Variants in RNF212B observed in about 807,000 individuals in gnomAD.
RNF212B encodes E3 ubiquitin-protein ligase RNF212B.
RNF212B carries 52 observed loss-of-function variants against 55.5 expected under a neutral mutation model. The ratio of observed to expected loss-of-function variants is 0.94; its 90% confidence interval spans 0.75 to 1.18. The LOEUF is 1.18. Ranked by LOEUF, RNF212B falls within the 50% of genes most tolerant of loss-of-function variation. The pLI is 0.00. For missense variants in RNF212B, 289 were observed against 350.4 expected (o/e 0.82, Z 1.40); for synonymous variants, 99 against 121.4 (o/e 0.82, Z 1.21).
intron 1 of RNF212B, among the ~76,000 whole-genome samples, chr14:23,239,351 T>C (rs178770): frequency 0.51 from 77,829 of 152,066 alleles, 20,440 homozygotes; most frequent in African/African-American, 0.63. Context: ...TGAGACACCA[T>C]GCTTGGCCTG....
intron 4 of RNF212B, among the ~76,000 whole-genome samples, chr14:23,250,162 G>C (rs1375940904): frequency 6.6e-6 from 1 of 152,078 alleles, no homozygotes; most frequent in Admixed American, 6.5e-5. Flanking sequence ...CTTTATACCT[G>C]AAATGCCTGA....
At chr14:23,234,084 C>T (rs1479820500), upstream of RNF212B, among the ~76,000 whole-genome samples, 1 of 152,080 alleles carries the variant, frequency 6.6e-6, no homozygotes, top group Non-Finnish European at 1.5e-5. Flanking sequence ...GCCATGTATA[C>T]CATGTGTACG....
chr14:23,235,956 G>A (rs1366750017), upstream of RNF212B, among the ~76,000 whole-genome samples: 1 of 152,162 alleles, frequency 6.6e-6, no homozygotes, highest in Non-Finnish European at 1.5e-5. Context: ...GAATTTTTAT[G>A]TGATATCAAA....
chr14:23,266,411 T>C (rs1302614306), intron 11 of RNF212B, among the ~76,000 whole-genome samples: 3 of 123,958 alleles, frequency 2.4e-5, no homozygotes, highest in Admixed American at 2.4e-4. Context: ...AATGTTTTTT[T>C]TTTTTTTTTT....
chr14:23,254,336 A>G (rs1277377413), intron 4 of RNF212B, among the ~76,000 whole-genome samples: 4 of 147,352 alleles, frequency 2.7e-5, no homozygotes, highest in Non-Finnish European at 6.1e-5. Context: ...AAAAACAAAA[A>G]CAAAAACTAA....
chr14:23,222,924 C>T (rs181264269), intron 2 of RNF212B, among the ~76,000 whole-genome samples: 19 of 151,768 alleles, frequency 1.3e-4, no homozygotes, highest in African/African-American at 3.1e-4. Context: ...CATGGTGGCA[C>T]GCACCTGTAA....
chr14:23,206,854 A>C (rs1019940702), intron 2 of RNF212B, among the ~76,000 whole-genome samples: 2 of 152,182 alleles, frequency 1.3e-5, no homozygotes, highest in African/African-American at 2.4e-5. Flanking sequence ...AACAAACAAA[A>C]AATCAGGTGA....
At chr14:23,270,086 C>A in intron 13 of RNF212B, 126 bp downstream of exon 13, 1 of 639,972 alleles carries the variant, frequency 1.6e-6, no homozygotes, top group Non-Finnish European at 2.8e-6. Context: ...TAGTTGGCTC[C>A]TTAATATTCT....
At chr14:23,228,413 C>A (rs1053688522) in intron 2 of RNF212B, among the ~76,000 whole-genome samples, 1 of 147,280 alleles carries the variant, frequency 6.8e-6, no homozygotes, top group Non-Finnish European at 1.5e-5. Flanking sequence ...TCACTTGAGG[C>A]CAGGAGTTTG....
At chr14:23,234,279 A>G (rs1486499624), upstream of RNF212B, among the ~76,000 whole-genome samples, 2 of 151,168 alleles carry the variant, frequency 1.3e-5, no homozygotes, top group African/African-American at 4.9e-5. Flanking sequence ...GTAATTTGTC[A>G]CTTTGTGCTT....
intron 2 of RNF212B, among the ~76,000 whole-genome samples, chr14:23,194,974 T>A (rs543139948): frequency 6.6e-6 from 1 of 152,126 alleles, no homozygotes; most frequent in South Asian, 2.1e-4. Context: ...TCATACAGCA[T>A]CACACAGATT....
chr14:23,267,230 C>T (rs562662670), intron 11 of RNF212B, among the ~76,000 whole-genome samples: 1 of 152,278 alleles, frequency 6.6e-6, no homozygotes, highest in African/African-American at 2.4e-5. Flanking sequence ...AATCCTCCTG[C>T]CTCAGCTCCC....
At chr14:23,256,821 A>G (rs72684376) in intron 4 of RNF212B, among the ~76,000 whole-genome samples, 25,531 of 152,160 alleles carry the variant, frequency 0.17, 2,488 homozygotes, top group South Asian at 0.25. Flanking sequence ...CAGGTAGTTG[A>G]GATTACAGGA....
rs904829562 is a variant in RNF212B, at chr14:23,253,269, G to A, written c.229-5280G>A. The stretch of plus-strand genomic sequence containing the variant: ...TCTCCAGTTGTCTCAGTTTTAAAAT[G>A]TTCCCACATTTTGAATTGAGTTTCA... On this transcript the variant is annotated intron_variant, in intron 4 of 14. Transcript: ENST00000430154. 2.6e-5 allele frequency among the ~76,000 whole-genome samples: 4 copies of A among 152,056 alleles called. No individual in the cohort carries two copies. The South Asian group carries it at 8.3e-4, about 32-fold the overall frequency.
At position 23,243,328 on chromosome 14, in the gene RNF212B, C is replaced by A. The variant is rs1052913184; in HGVS notation, c.153+20C>A. 19 of 1,542,560 alleles carry A rather than the reference C, an allele frequency of 1.2e-5. No homozygotes were observed. The Admixed American group carries it at 3.5e-4, about 29-fold the overall frequency. Reference sequence around the variant, plus strand: ...GATAATGTAAGTTTTTCTCCCCCTGCCACAAACTGTCTCATCCCATTCCTG... The same window carrying A: ...GATAATGTAAGTTTTTCTCCCCCTGACACAAACTGTCTCATCCCATTCCTG... On this transcript the variant is annotated intron_variant, in intron 3 of 14. Transcript: ENST00000430154.
chr14:23,240,555 T>C (rs1233036015), intron 2 of RNF212B, 110 bp downstream of exon 2: 1 of 646,134 alleles, frequency 1.5e-6, no homozygotes, highest in Non-Finnish European at 2.7e-6. Context: ...ATTAGGTCAA[T>C]GGTGATAAAG....
chr14:23,257,160 C>A (rs117256132), intron 4 of RNF212B, among the ~76,000 whole-genome samples: 84,746 of 150,986 alleles, frequency 0.56, 24,680 homozygotes, highest in African/African-American at 0.74. Flanking sequence ...CACACACACA[C>A]AAAAAAAATA....
chr14:23,221,623 A>T (rs1881587151), intron 2 of RNF212B, among the ~76,000 whole-genome samples: 1 of 152,234 alleles, frequency 6.6e-6, no homozygotes, highest in African/African-American at 2.4e-5. Context: ...TTAATCTGTA[A>T]TACTGAACAA....
rs1033715913 is a variant in RNF212B at position 23,244,358 on chromosome 14, G to A, written c.190G>A (p.Val64Met). 2.6e-6 allele frequency: 4 copies of A among 1,547,076 alleles called. No homozygotes were observed. Among genetic ancestry groups the A allele is most frequent in the Admixed American group, 3.9e-5 (2 of 50,634 alleles). Residue 64 changes from valine to methionine, a missense_variant, in exon 4 of 15, where the codon GTG becomes ATG. Val to Met is a conservative substitution (Grantham distance 21). Coordinates refer to ENST00000430154, the MANE Select transcript of RNF212B (RefSeq NM_001282322.3). ...GGAGAAGATGTTTTTCAAAAGTCCT[G>A]TGGAGACAGCTTTGCAGTATTTTAG... ...PQEKMFFKSP[V>M]ETALQYFSHI... is the part of the protein sequence containing the mutation.
Sources: gnomAD v4.1 joint callset for allele counts (sites outside exome capture counted in the v4.1 genomes callset) on GRCh38, gnomAD v4.1.1 for gene constraint, MANE v1.5 for transcripts, NCBI Gene and HGNC (gene_info 2026-07-23, HGNC 2026-07-21) for gene names.